Variants in NFATC2 observed in about 807,000 individuals in gnomAD.
NFATC2 encodes the protein nuclear factor of activated T cells 2, also known as nuclear factor of activated T-cells, cytoplasmic 2.
A neutral mutation model predicts 87.3 loss-of-function variants in NFATC2; 22 were observed. That is an observed-to-expected ratio of 0.25 (90% CI 0.18 to 0.36). The LOEUF is 0.36. NFATC2 is among the 10% of genes least tolerant of loss of function. NFATC2 has a pLI of 1.00. For synonymous variants in NFATC2, 565 were observed against 542.2 expected, an observed-to-expected ratio of 1.04 and a Z score of -0.58; for missense variants, 1,149 against 1,259.1, an observed-to-expected ratio of 0.91 and a Z score of 1.32.
intron 3 of NFATC2, among the ~76,000 whole-genome samples, chr20:51,493,746 G>A (rs942511269): frequency 2.0e-5 from 3 of 152,154 alleles, no homozygotes; most frequent in African/African-American, 7.2e-5. Context: ...CTTGGTCCCT[G>A]TCCAATCCTC....
chr20:51,396,808 G>A (rs1210348101), intron 10 of NFATC2, among the ~76,000 whole-genome samples: 1 of 152,170 alleles, frequency 6.6e-6, no homozygotes, highest in Admixed American at 6.5e-5. Flanking sequence ...AGCACATGAA[G>A]TCCTCTCTGG....
chr20:51,528,842 A>G (rs2076588030), intron 1 of NFATC2, among the ~76,000 whole-genome samples: 4 of 152,140 alleles, frequency 2.6e-5, no homozygotes. Context: ...TCCCCCACCC[A>G]CTGGAGGCCT....
Position 51,432,490 on chromosome 20 carries a change from G to T in NFATC2, c.2299C>A (p.Gln767Lys). 6.4e-7 allele frequency: 1 copy of T among 1,555,590 alleles called. No individual in the cohort carries two copies. The highest frequency in any genetic ancestry group is 8.7e-7 in the Non-Finnish European group (1 of 1,151,054). ...SLSPSLLGYQ[Q>K]PALMAAPLSL... Reference sequence around the variant, plus strand: ...AGCGGGGCGGCCATGAGGGCCGGCTGCTGATAGCCCAGCAGGCTGGGGCTC... The same window carrying T: ...AGCGGGGCGGCCATGAGGGCCGGCTTCTGATAGCCCAGCAGGCTGGGGCTC... Residue 767 changes from glutamine (Q) to lysine (K), a missense_variant, in exon 9 of 11, where the codon CAG becomes AAG. By Grantham distance (53) the Gln-to-Lys change is moderately conservative. Coordinates refer to ENST00000371564, the MANE Select transcript of NFATC2 (RefSeq NM_012340.5). This position sits in a 1 kb window ranked among gnomAD's most constrained non-coding sequence, Gnocchi z 4.6.
Position 51,435,755 on chromosome 20 carries a change from T to C in NFATC2, c.1856A>G (p.Gln619Arg). Residue 619 changes from glutamine to arginine, a missense_variant, in exon 7 of 11, where the codon CAG (glutamine) becomes CGG (arginine). By Grantham distance (43) the Gln-to-Arg change is conservative. Coordinates refer to ENST00000371564, the MANE Select transcript of NFATC2 (RefSeq NM_012340.5). ...CGTGGCTTCCATCTCCCAAATTTGC[T>C]GTCCATCTAGAAAAATTCAAAAATG... Reference protein sequence around the residue: ...VVFTEKTTDGQQIWEMEATVD... With the variant: ...VVFTEKTTDGRQIWEMEATVD... 2.5e-6 allele frequency: 4 copies of C among 1,603,556 alleles called. No individual in the cohort carries two copies. The East Asian group carries it at 6.7e-5, about 27-fold the overall frequency.
chr20:51,444,800 C>A (rs532861663), intron 6 of NFATC2, among the ~76,000 whole-genome samples: 1 of 152,188 alleles, frequency 6.6e-6, no homozygotes, highest in Non-Finnish European at 1.5e-5. Context: ...GAAGCATGGG[C>A]TTAATGAGCC....
intron 9 of NFATC2, among the ~76,000 whole-genome samples, chr20:51,405,949 G>A (rs1468306074): frequency 2.0e-5 from 3 of 152,172 alleles, no homozygotes; most frequent in African/African-American, 7.2e-5. Context: ...GCTAAACTTT[G>A]CATTTTTAGT....
chr20:51,532,770 G>A (rs914350300), intron 1 of NFATC2, among the ~76,000 whole-genome samples: 4 of 152,214 alleles, frequency 2.6e-5, no homozygotes, highest in Admixed American at 6.5e-5. Flanking sequence ...TGGAATTTTC[G>A]GGAAGCAGAA....
rs11467129 is a variant in NFATC2 at position 51,477,535 on chromosome 20, C to CTATA, written c.1333-1879_1333-1876dup. Among the ~76,000 whole-genome samples, 464 of 72,590 alleles carry CTATA rather than the reference C, an allele frequency of 6.4e-3. 2 individuals carry two copies. The highest frequency in any genetic ancestry group is 9.3e-3 in the East Asian group (20 of 2,150). 47.6% of individuals were successfully genotyped at this position (72,590 alleles called of 152,430 possible). On this transcript the variant is annotated intron_variant, in intron 3 of 10. Transcript: ENST00000371564. Reference sequence around the variant, plus strand: ...TATATATACATATGTGTGTGTGTGTCTATATATATATATATATATATATAT... The same window carrying CTATA: ...TATATATACATATGTGTGTGTGTGTCTATATATATATATATATATATATATATAT...
intron 1 of NFATC2, among the ~76,000 whole-genome samples, chr20:51,559,291 A>C (rs2077002654): frequency 6.6e-6 from 1 of 152,236 alleles, no homozygotes; most frequent in African/African-American, 2.4e-5. Flanking sequence ...CTGCTGCCTC[A>C]GTTTCACCAC....
At chr20:51,409,361 G>A (rs918246657) in intron 9 of NFATC2, among the ~76,000 whole-genome samples, 4 of 152,154 alleles carry the variant, frequency 2.6e-5, no homozygotes, top group Non-Finnish European at 5.9e-5. Context: ...CAGCAGAATG[G>A]AAAAATAGGC....
At chr20:51,452,215 ACT>A (rs1267966305) in intron 6 of NFATC2, among the ~76,000 whole-genome samples, 1 of 151,876 alleles carries the variant, frequency 6.6e-6, no homozygotes, top group Non-Finnish European at 1.5e-5. Flanking sequence ...CAATCACTGG[ACT>A]CTCAGGCTGA....
At position 51,507,123 on chromosome 20, in the gene NFATC2, G is replaced by A. The variant is rs148068617; in HGVS notation, c.1332+9661C>T. Among the ~76,000 whole-genome samples, 635 of 152,360 alleles carry A rather than the reference G, an allele frequency of 4.2e-3. 1 individual carries two copies. Among genetic ancestry groups the A allele is most frequent in the Non-Finnish European group, 6.2e-3 (419 of 68,038 alleles). On this transcript the variant is annotated intron_variant, in intron 3 of 10. Transcript: ENST00000371564. ...GGCGTGATGCTGCTGCCAGCAGGTGGATGAATGAGTGAGTGGGTGAGTGAA... is the reference window on the plus strand; with the variant it reads ...GGCGTGATGCTGCTGCCAGCAGGTGAATGAATGAGTGAGTGGGTGAGTGAA...
intron 3 of NFATC2, among the ~76,000 whole-genome samples, chr20:51,491,877 TACACACACACACAC>T (rs33936990): frequency 3.7e-4 from 21 of 57,408 alleles, no homozygotes; most frequent in Middle Eastern, 9.4e-3. Flanking sequence ...CACATACACA[TACACACACACACAC>T]ACACACACAC....
chr20:51,529,032 A>T (rs574084990), intron 1 of NFATC2, among the ~76,000 whole-genome samples: 3 of 152,250 alleles, frequency 2.0e-5, no homozygotes, highest in Non-Finnish European at 2.9e-5. Flanking sequence ...ACGCCTTCCT[A>T]GAAGGTAACA....
At chr20:51,557,256 G>A (rs1244052446) in intron 1 of NFATC2, among the ~76,000 whole-genome samples, 1 of 152,144 alleles carries the variant, frequency 6.6e-6, no homozygotes, top group African/African-American at 2.4e-5. Flanking sequence ...ATCCAGTAGG[G>A]AAAAGATGAT....
chr20:51,551,176 G>A (rs1324731593), intron 1 of NFATC2, among the ~76,000 whole-genome samples: 1 of 152,116 alleles, frequency 6.6e-6, no homozygotes, highest in African/African-American at 2.4e-5. Flanking sequence ...ACTAAGGTGA[G>A]GCAAGAGAGG....
At chr20:51,468,596 T>C (rs1273677691) in intron 5 of NFATC2, among the ~76,000 whole-genome samples, 1 of 152,182 alleles carries the variant, frequency 6.6e-6, no homozygotes, top group Non-Finnish European at 1.5e-5. Flanking sequence ...TTCTGTTAAG[T>C]TCTCACAGGA....
intron 5 of NFATC2, among the ~76,000 whole-genome samples, chr20:51,468,017 A>T (rs2146487782): frequency 6.6e-6 from 1 of 152,342 alleles, no homozygotes; most frequent in South Asian, 2.1e-4. Flanking sequence ...CATAGCAGTG[A>T]CAGATCTCAA....
chr20:51,477,569 ATATATATATAT>A (rs1988855150), intron 3 of NFATC2, among the ~76,000 whole-genome samples: 6 of 97,258 alleles, frequency 6.2e-5, no homozygotes, highest in East Asian at 2.3e-4. Flanking sequence ...ATATATATAT[ATATATATATAT>A]AAAATAACAA....
Sources: allele counts gnomAD v4.1 joint callset (sites outside exome capture counted in the v4.1 genomes callset), GRCh38; gene constraint gnomAD v4.1.1; non-coding constraint Gnocchi (gnomAD v3.1); transcripts MANE v1.5; gene names NCBI Gene and HGNC (gene_info 2026-07-23, HGNC 2026-07-21).